Variants in BCAS3 observed in about 807,000 individuals in gnomAD.
BCAS3 encodes the protein BCAS3 microtubule associated cell migration factor.
BCAS3 carries 53 observed loss-of-function variants against 116.1 expected under a neutral mutation model. That is an observed-to-expected ratio of 0.46 (90% CI 0.37 to 0.57). The LOEUF is 0.57. Among genes scored for constraint, BCAS3 ranks in the 20% least tolerant of loss-of-function variants. The probability of loss-of-function intolerance (pLI) is 0.00; values close to 1 mark genes in which losing one functional copy is unlikely to be tolerated. For missense variants in BCAS3, 917 were observed against 1,165.4 expected (o/e 0.79, Z 3.10); for synonymous variants, 391 against 408.2 (o/e 0.96, Z 0.51).
intron 22 of BCAS3, among the ~76,000 whole-genome samples, chr17:61,116,576 A>T (rs534557930): frequency 6.6e-6 from 1 of 152,318 alleles, no homozygotes; most frequent in African/African-American, 2.4e-5. Flanking sequence ...GTTTTTGCTT[A>T]CTATGTTTTT....
intron 12 of BCAS3, among the ~76,000 whole-genome samples, chr17:60,911,372 C>T (rs994887836): frequency 3.9e-5 from 6 of 152,124 alleles, no homozygotes; most frequent in African/African-American, 1.2e-4. Flanking sequence ...GATCTTGGCT[C>T]ACTGAAACCT....
intron 13 of BCAS3, among the ~76,000 whole-genome samples, chr17:60,932,120 A>G (rs2059678613): frequency 2.6e-5 from 4 of 152,160 alleles, no homozygotes. Flanking sequence ...AGTAACCTCA[A>G]TAGATATTAG....
At chr17:61,160,458 C>A (rs2078105718) in intron 22 of BCAS3, among the ~76,000 whole-genome samples, 1 of 152,230 alleles carries the variant, frequency 6.6e-6, no homozygotes, top group Admixed American at 6.5e-5. Flanking sequence ...TATGTCTCCC[C>A]TCCCTGTGAC....
intron 6 of BCAS3, among the ~76,000 whole-genome samples, chr17:60,767,414 G>A (rs1014027083): frequency 2.1e-5 from 3 of 142,298 alleles, no homozygotes; most frequent in Middle Eastern, 3.9e-3. Flanking sequence ...GCGTGATCTC[G>A]GCTCACTGCA....
intron 22 of BCAS3, among the ~76,000 whole-genome samples, chr17:61,359,681 G>C (rs1265095758): frequency 6.6e-6 from 1 of 152,184 alleles, no homozygotes; most frequent in Non-Finnish European, 1.5e-5. Context: ...AATAGCGACA[G>C]GGTTTTGCCA....
rs572148679 is a variant in BCAS3 at position 61,077,146 on chromosome 17, A to C, written c.2131-1187A>C. ...TCGAGTTGATTATTTGTAAAAAAAA[A>C]AAAAAATCATGTAATATATATATTT... On this transcript the variant is annotated intron_variant, in intron 20 of 23. Coordinates refer to ENST00000407086, the MANE Select transcript of BCAS3 (RefSeq NM_017679.5). This position sits in a 1 kb window ranked among gnomAD's most constrained non-coding sequence, Gnocchi z 4.3. 3.3e-5 allele frequency among the ~76,000 whole-genome samples: 5 copies of C among 152,168 alleles called. No individual in the cohort carries two copies. Among genetic ancestry groups the C allele is most frequent in the Admixed American group, 3.3e-4 (5 of 15,276 alleles).
chr17:61,010,822 AG>A lies in BCAS3; in HGVS notation c.1487-4928del, dbSNP rs112653742. Among the ~76,000 whole-genome samples, 431 of 152,142 alleles carry A rather than the reference AG, an allele frequency of 2.8e-3. 1 individual carries two copies. The highest frequency in any genetic ancestry group is 9.8e-3 in the African/African-American group (407 of 41,550). ...GACTGGTAAACCTCTAAAGGATCAA[AG>A]CTCTAGTGGATTTGGATAAAGACCC... On this transcript the variant is annotated intron_variant, in intron 15 of 23. Transcript: ENST00000407086.
At chr17:60,828,441 G>C (rs968762672) in intron 7 of BCAS3, among the ~76,000 whole-genome samples, 1 of 152,180 alleles carries the variant, frequency 6.6e-6, no homozygotes, top group African/African-American at 2.4e-5. Flanking sequence ...TACTTTGCCA[G>C]AATAAAACCT....
chr17:60,859,550 T>G (rs1178218560), intron 7 of BCAS3, among the ~76,000 whole-genome samples: 1 of 151,538 alleles, frequency 6.6e-6, no homozygotes, highest in Non-Finnish European at 1.5e-5. Flanking sequence ...CTGTGTAGTA[T>G]TCTGTGGTGA....
At chr17:61,079,331 A>G (rs905850030) in intron 21 of BCAS3, among the ~76,000 whole-genome samples, 1 of 152,230 alleles carries the variant, frequency 6.6e-6, no homozygotes, top group Non-Finnish European at 1.5e-5. Flanking sequence ...TTCCAGTTAC[A>G]TAGTGGAAAT....
At chr17:61,110,194 G>C (rs1281250946) in intron 22 of BCAS3, among the ~76,000 whole-genome samples, 1 of 152,204 alleles carries the variant, frequency 6.6e-6, no homozygotes, top group African/African-American at 2.4e-5. Context: ...AGCACCATTT[G>C]TTGAAGAGTT....
intron 6 of BCAS3, among the ~76,000 whole-genome samples, chr17:60,754,057 AG>A (rs1163050627): frequency 1.6e-5 from 1 of 60,740 alleles, no homozygotes; most frequent in East Asian, 3.1e-3. Context: ...ATTTTGAGAC[AG>A]GGTCTCTCTC....
At chr17:60,966,309 C>A (rs557394369) in intron 14 of BCAS3, among the ~76,000 whole-genome samples, 13 of 152,280 alleles carry the variant, frequency 8.5e-5, no homozygotes, top group African/African-American at 3.1e-4. Context: ...GTTGGATAAT[C>A]GAGACCATTT....
chr17:60,841,026 G>T (rs1392231062), intron 7 of BCAS3, among the ~76,000 whole-genome samples: 1 of 152,000 alleles, frequency 6.6e-6, no homozygotes, highest in African/African-American at 2.4e-5. Context: ...TTTCAGAATA[G>T]ATTATATTGT....
At chr17:60,690,972 G>A (rs539463043) in intron 4 of BCAS3, among the ~76,000 whole-genome samples, 1 of 151,920 alleles carries the variant, frequency 6.6e-6, no homozygotes, top group African/African-American at 2.4e-5. Flanking sequence ...TCACTCTGTC[G>A]CCCAGGCTGG....
intron 14 of BCAS3, among the ~76,000 whole-genome samples, chr17:60,950,313 T>G (rs907348837): frequency 6.6e-6 from 1 of 152,184 alleles, no homozygotes; most frequent in Non-Finnish European, 1.5e-5. Flanking sequence ...GGGATGGTTA[T>G]GTTGATTATA....
chr17:60,758,487 T>A (rs2043204915), intron 6 of BCAS3, among the ~76,000 whole-genome samples: 1 of 152,168 alleles, frequency 6.6e-6, no homozygotes. Context: ...TTCAAACAGT[T>A]CTTCTGCCTC....
chr17:61,091,401 A>C (rs1434935441), intron 22 of BCAS3, among the ~76,000 whole-genome samples: 1 of 152,228 alleles, frequency 6.6e-6, no homozygotes, highest in Non-Finnish European at 1.5e-5. Flanking sequence ...GCAGGGGGAC[A>C]GAGTTGGGGG....
At chr17:61,168,437 A>G (rs1183651483) in intron 22 of BCAS3, among the ~76,000 whole-genome samples, 1 of 152,200 alleles carries the variant, frequency 6.6e-6, no homozygotes, top group Non-Finnish European at 1.5e-5. Context: ...AATGAAAGCT[A>G]ATTTATTTTT....
Sources: gnomAD v4.1 joint callset for allele counts (sites outside exome capture counted in the v4.1 genomes callset) on GRCh38, gnomAD v4.1.1 for gene constraint, Gnocchi (gnomAD v3.1) non-coding constraint, MANE v1.5 for transcripts, NCBI Gene and HGNC (gene_info 2026-07-23, HGNC 2026-07-21) for gene names.